TRDN: variants seen among roughly 807,000 people sequenced by gnomAD.
The protein encoded by TRDN is triadin in skeletal muscle.
TRDN carries 161 observed loss-of-function variants against 149.7 expected under a neutral mutation model. That is an observed-to-expected ratio of 1.08 (90% CI 0.95 to 1.23). The LOEUF (loss-of-function observed/expected upper bound fraction) is 1.23. TRDN is among the 50% of genes most tolerant of loss of function. TRDN has a pLI of 0.00. For missense variants in TRDN, 896 were observed against 823.5 expected (o/e 1.09, Z -1.08); for synonymous variants, 294 against 250.5 (o/e 1.17, Z -1.64).
chr6:123,480,314 A>G (rs1239599044), intron 9 of TRDN, among the ~76,000 whole-genome samples: 1 of 151,914 alleles, frequency 6.6e-6, no homozygotes, highest in Non-Finnish European at 1.5e-5. Context: ...ACTTCAAGCT[A>G]AAATCTCACG....
intron 9 of TRDN, among the ~76,000 whole-genome samples, chr6:123,475,129 T>G (rs1265346922): frequency 1.3e-5 from 2 of 151,340 alleles, no homozygotes; most frequent in Admixed American, 6.6e-5. Context: ...GCTGGTTTTT[T>G]GAAAGGATCA....
At chr6:123,343,752 A>T (rs994228748) in intron 21 of TRDN, among the ~76,000 whole-genome samples, 5 of 152,052 alleles carry the variant, frequency 3.3e-5, no homozygotes, top group African/African-American at 1.2e-4. Context: ...AATAAAAAAA[A>T]TTAATAGACC....
chr6:123,540,522 T>C (rs1780774603), intron 4 of TRDN, among the ~76,000 whole-genome samples: 1 of 152,160 alleles, frequency 6.6e-6, no homozygotes, highest in Non-Finnish European at 1.5e-5. Flanking sequence ...AAGTGTTTTT[T>C]TGTTTGCTTG....
intron 21 of TRDN, among the ~76,000 whole-genome samples, chr6:123,348,152 C>A (rs1222729378): frequency 2.0e-5 from 3 of 152,058 alleles, no homozygotes; most frequent in Non-Finnish European, 2.9e-5. Flanking sequence ...TTAACTACTA[C>A]TTTGACATTC....
chr6:123,433,775 A>T (rs1268848570), intron 12 of TRDN, among the ~76,000 whole-genome samples: 1 of 152,144 alleles, frequency 6.6e-6, no homozygotes, highest in Non-Finnish European at 1.5e-5. Context: ...AACTCCTAAA[A>T]GTTTACAATT....
chr6:123,499,529 C>G (rs575776816), intron 8 of TRDN, among the ~76,000 whole-genome samples: 2 of 150,220 alleles, frequency 1.3e-5, no homozygotes, highest in African/African-American at 4.9e-5. Context: ...CATAGTGAAA[C>G]CCCATCTCTA....
rs111788460 is a variant in TRDN, at chr6:123,426,420, C to T, written c.1051+11643G>A. Among the ~76,000 whole-genome samples, 8 of 152,084 alleles carry T rather than the reference C, an allele frequency of 5.3e-5. 1 individual carries two copies. The East Asian group carries it at 7.7e-4, about 15-fold the overall frequency. ...GCTAACTTAGGATTGATTTCACAAACGTCCACTGAGCCCCTGCTGCATGTG... is the reference window on the plus strand; with the variant it reads ...GCTAACTTAGGATTGATTTCACAAATGTCCACTGAGCCCCTGCTGCATGTG... On this transcript the variant is annotated intron_variant, in intron 12 of 40. Coordinates refer to ENST00000334268, the MANE Select transcript of TRDN (RefSeq NM_006073.4).
At chr6:123,556,843 G>A (rs1187543435) in intron 2 of TRDN, among the ~76,000 whole-genome samples, 2 of 152,078 alleles carry the variant, frequency 1.3e-5, no homozygotes, top group African/African-American at 4.8e-5. Flanking sequence ...CAAAGCGATA[G>A]TGTCAGGCCT....
chr6:123,616,005 T>G (rs1381506313), intron 1 of TRDN, among the ~76,000 whole-genome samples: 1 of 152,166 alleles, frequency 6.6e-6, no homozygotes, highest in East Asian at 1.9e-4. Flanking sequence ...AAATATCACA[T>G]GTAACTCATA....
chr6:123,433,367 G>A (rs1297478240), intron 12 of TRDN, among the ~76,000 whole-genome samples: 3 of 151,672 alleles, frequency 2.0e-5, no homozygotes, highest in Non-Finnish European at 2.9e-5. Flanking sequence ...ACTCAGAGTT[G>A]AACTTGTGGA....
chr6:123,618,414 A>G (rs1466358213), intron 1 of TRDN, among the ~76,000 whole-genome samples: 1 of 152,156 alleles, frequency 6.6e-6, no homozygotes, highest in Non-Finnish European at 1.5e-5. Context: ...ACCAACAGAA[A>G]AAGTTCTCCA....
intron 1 of TRDN, among the ~76,000 whole-genome samples, chr6:123,623,149 CT>C (rs1785481793): frequency 6.6e-6 from 1 of 151,970 alleles, no homozygotes; most frequent in Non-Finnish European, 1.5e-5. Context: ...TCTTTTTGCC[CT>C]GTATTTCCCT....
intron 35 of TRDN, among the ~76,000 whole-genome samples, chr6:123,257,253 C>G (rs1288872037): frequency 6.6e-6 from 1 of 151,832 alleles, no homozygotes; most frequent in Non-Finnish European, 1.5e-5. Context: ...GCTGGGATTT[C>G]AGGCATGAGC....
chr6:123,536,423 T>G (rs1454115435), intron 4 of TRDN, among the ~76,000 whole-genome samples: 5 of 152,104 alleles, frequency 3.3e-5, no homozygotes, highest in Non-Finnish European at 5.9e-5. Flanking sequence ...ACTATTTAAC[T>G]ACTAAAATGA....
At chr6:123,597,060 G>A (rs1784070288) in intron 1 of TRDN, among the ~76,000 whole-genome samples, 1 of 151,996 alleles carries the variant, frequency 6.6e-6, no homozygotes, top group East Asian at 1.9e-4. Flanking sequence ...GGATCTAAAT[G>A]AAGCAAATTT....
intron 8 of TRDN, chr6:123,502,180 A>G (rs1583155409): frequency 1.0e-6 from 1 of 984,040 alleles, no homozygotes; most frequent in East Asian, 1.1e-4. Context: ...GGATCTAAGT[A>G]ATCATACCAG....
chr6:123,327,658 A>C (rs1779509140), intron 23 of TRDN, among the ~76,000 whole-genome samples: 1 of 152,100 alleles, frequency 6.6e-6, no homozygotes, highest in South Asian at 2.1e-4. Context: ...AGGAATGCTA[A>C]ACATTAATTT....
At chr6:123,228,254 A>G (rs6569329) in intron 38 of TRDN, among the ~76,000 whole-genome samples, 125,913 of 151,888 alleles carry the variant, frequency 0.83, 52,991 homozygotes, top group African/African-American at 0.95. Context: ...AAGAAGTGAA[A>G]GAACTGGTTT....
At chr6:123,561,321 T>C (rs192395983) in intron 2 of TRDN, among the ~76,000 whole-genome samples, 2 of 152,260 alleles carry the variant, frequency 1.3e-5, no homozygotes, top group African/African-American at 4.8e-5. Flanking sequence ...AATGGTCTTT[T>C]AAAAACACAC....
Sources: gnomAD v4.1 joint callset for allele counts (sites outside exome capture counted in the v4.1 genomes callset) on GRCh38, gnomAD v4.1.1 for gene constraint, MANE v1.5 for transcripts, NCBI Gene and HGNC (gene_info 2026-07-23, HGNC 2026-07-21) for gene names.